Variants in SAGE1 observed in about 807,000 individuals in gnomAD.
The protein encoded by SAGE1 is cancer/testis antigen 14.
Under a neutral mutation model 55.4 loss-of-function variants are expected in SAGE1, and 55 were observed. That is an observed-to-expected ratio of 0.99 (90% confidence interval 0.80 to 1.24). The LOEUF is 1.24. Among genes scored for constraint, SAGE1 ranks in the 50% most tolerant of loss-of-function variants. The pLI is 0.00. For missense variants in SAGE1, 710 were observed against 704.4 expected (o/e 1.01, Z -0.09); for synonymous variants, 240 against 244.3 (o/e 0.98, Z 0.17).
rs1556600708 is a variant in SAGE1, at chrX:135,906,120, A to G, written c.551A>G (p.Asn184Ser). Reference protein sequence around the residue: ...VLSTGPTGLINMAATPIPAMS... With the variant: ...VLSTGPTGLISMAATPIPAMS... ...TCAACTGGTCCCACAGGGCTTATTA[A>G]TATGGCAGCAACTCCTATTCCAGCC... Residue 184 changes from asparagine (N) to serine (S), a missense_variant, in exon 6 of 20, where the codon AAT becomes AGT. Coordinates refer to ENST00000370709, the MANE Select transcript of SAGE1 (RefSeq NM_001381902.1). 6.6e-6 allele frequency: 8 copies of G among 1,208,145 alleles called. No individual in the cohort carries two copies. The highest frequency in any genetic ancestry group is 9.0e-6 in the Non-Finnish European group (8 of 892,977).
chrX:135,910,604 G>T, intron 16 of SAGE1, 49 bp downstream of exon 16: 1 of 1,124,435 alleles, frequency 8.9e-7, no homozygotes, highest in Non-Finnish European at 1.2e-6. Flanking sequence ...CCCTAAGCAG[G>T]CATATTTTCA....
chrX:135,904,956 AT>A (rs2088758784), intron 4 of SAGE1, among the ~76,000 whole-genome samples: 1 of 111,640 alleles, frequency 9.0e-6, no homozygotes, highest in South Asian at 3.8e-4. Context: ...ATCAGGGCTT[AT>A]TAATATGACA....
intron 2 of SAGE1, among the ~76,000 whole-genome samples, chrX:135,896,669 C>G (rs1388531244): frequency 9.2e-6 from 1 of 108,741 alleles, no homozygotes; most frequent in African/African-American, 3.4e-5. Flanking sequence ...AGTGATTCTC[C>G]TGCCTTAGCC....
chrX:135,906,314 T>C, intron 6 of SAGE1, 97 bp from the exon 7 acceptor site: 1 of 1,106,178 alleles, frequency 9.0e-7, no homozygotes, highest in East Asian at 3.0e-5. Flanking sequence ...TACTGCTTTA[T>C]GAAATAATTT....
chrX:135,894,987 A>AGTTTGCTT (rs1202671246), intron 1 of SAGE1, among the ~76,000 whole-genome samples: 3 of 105,318 alleles, frequency 2.8e-5, no homozygotes, highest in Non-Finnish European at 5.8e-5. Flanking sequence ...AAATCCCACA[A>AGTTTGCTT]GTTTGTTTGT....
rs73226720 is a variant in SAGE1 at position 135,904,497 on chromosome X, A to G, written c.241A>G (p.Ile81Val). ...TCCAGATGCTGCAGTCACTCACAGC[A>G]TTTGTGAAGAGAGGATAAATAACGG... Reference protein sequence around the residue: ...KQEDAAVTHSICEERINNGQP... With the variant: ...KQEDAAVTHSVCEERINNGQP... The change falls in exon 4 of 20, where the codon ATT becomes GTT. Residue 81 changes from isoleucine to valine, a missense_variant. Coordinates refer to ENST00000370709, the MANE Select transcript of SAGE1 (RefSeq NM_001381902.1). 249 of 1,201,401 alleles carry G rather than the reference A, an allele frequency of 2.1e-4. No homozygotes were observed. Among genetic ancestry groups the G allele is most frequent in the Non-Finnish European group, 2.7e-4 (240 of 889,583 alleles).
At chrX:135,908,716 C>G in intron 12 of SAGE1, 99 bp downstream of exon 12, 1 of 1,044,689 alleles carries the variant, frequency 9.6e-7, no homozygotes. Context: ...TCTTTCCTGG[C>G]CTCAATTTGA....
Position 135,911,595 on chromosome X carries a change from C to T in SAGE1, c.2163C>T (p.His721=), listed in dbSNP as rs782514048. ...STRDLYATVI[H]DIQEEEMEND... is the part of the protein sequence containing the mutation. Reference sequence around the variant, plus strand: ...GGATTCCAGATGCTACTGTCATTCACGATATCCAGGAGGAGGAGATGGAAA... The same window carrying T: ...GGATTCCAGATGCTACTGTCATTCATGATATCCAGGAGGAGGAGATGGAAA... The change falls in exon 18 of 20, where the codon CAC becomes CAT. Residue 721 remains histidine, a synonymous_variant. Transcript: ENST00000370709. The T allele has an allele frequency of 5.8e-6, 7 of 1,201,255 alleles. No individual in the cohort carries two copies. Among genetic ancestry groups the T allele is most frequent in the South Asian group, 1.8e-5 (1 of 56,028 alleles).
intron 2 of SAGE1, among the ~76,000 whole-genome samples, chrX:135,900,891 A>G (rs1182348430): frequency 1.2e-4 from 13 of 111,154 alleles, no homozygotes; most frequent in Non-Finnish European, 2.5e-4. Context: ...TCGCACCTGT[A>G]ATCCCAGCAC....
Position 135,906,442 on chromosome X carries a change from G to A in SAGE1, c.627G>A (p.Gln209=). 8.3e-7 allele frequency: 1 copy of A among 1,211,510 alleles called. No homozygotes were observed. Among genetic ancestry groups the A allele is most frequent in the Non-Finnish European group, 1.1e-6 (1 of 895,048 alleles). Residue 209 remains glutamine, a synonymous_variant, in exon 7 of 20, where the codon CAG becomes CAA. Coordinates refer to ENST00000370709, the MANE Select transcript of SAGE1 (RefSeq NM_001381902.1). ...CAGTCACTCACAATGTCTGTGAACA[G>A]AAGATGGAAAATGTCCAACCAGCAC... ...YATVTHNVCE[Q]KMENVQPAPD... is the part of the protein sequence containing the mutation.
intron 4 of SAGE1, 53 bp downstream of exon 4, chrX:135,904,622 G>T (rs199837546): frequency 2.5e-6 from 2 of 806,995 alleles, no homozygotes; most frequent in Non-Finnish European, 3.7e-6. Flanking sequence ...TCATCCATGA[G>T]TACTTATTAA....
chrX:135,909,005 G>A lies in SAGE1; in HGVS notation c.1582+1G>A. ...CCATCCATGAGTACCAAGGATCTGT[G>A]TATGTCTGTTAATTAGTTGTACTGT... On this transcript the variant is annotated splice_donor_variant, in intron 13 of 19. Coordinates refer to ENST00000370709, the MANE Select transcript of SAGE1 (RefSeq NM_001381902.1). LOFTEE classifies it high-confidence loss of function. 1 of 1,203,509 alleles carries A rather than the reference G, an allele frequency of 8.3e-7. No individual in the cohort carries two copies. Among genetic ancestry groups the A allele is most frequent in the Non-Finnish European group, 1.1e-6 (1 of 889,216 alleles).
intron 2 of SAGE1, among the ~76,000 whole-genome samples, chrX:135,900,567 C>T (rs2088657550): frequency 9.0e-6 from 1 of 110,619 alleles, no homozygotes; most frequent in Admixed American, 9.7e-5. Flanking sequence ...AGTAATATTA[C>T]CAGCTCTTCT....
chrX:135,908,322 C>T (rs2088833093), intron 11 of SAGE1, 93 bp downstream of exon 11: 7 of 1,035,463 alleles, frequency 6.8e-6, no homozygotes, highest in East Asian at 6.1e-5. Context: ...TATTGTCTTT[C>T]GTGAGTTGAA....
Position 135,901,584 on chromosome X carries a change from T to A in SAGE1, c.113T>A (p.Leu38Gln), listed in dbSNP as rs1264292672. 6.6e-6 allele frequency: 8 copies of A among 1,209,063 alleles called. No individual in the cohort carries two copies. Among genetic ancestry groups the A allele is most frequent in the East Asian group, 3.0e-5 (1 of 33,841 alleles). ...GQQMRSDEVNLVATGHQSKKK... is the reference protein window; with the variant it reads ...GQQMRSDEVNQVATGHQSKKK... ...CAAATGAGGAGTGATGAAGTAAATC[T>A]GGTTGCAACAGGGCATCAAAGCAAA... Residue 38 changes from leucine (L) to glutamine (Q), a missense_variant, in exon 3 of 20, where the codon CTG becomes CAG. Transcript: ENST00000370709.
intron 11 of SAGE1, 82 bp from the exon 12 acceptor site, chrX:135,908,395 A>G (rs1289145802): frequency 9.3e-7 from 1 of 1,081,071 alleles, no homozygotes; most frequent in African/African-American, 1.9e-5. Flanking sequence ...ATTCCTAGAA[A>G]CTGAGCATCA....
intron 2 of SAGE1, among the ~76,000 whole-genome samples, chrX:135,901,345 T>G (rs1361122576): frequency 9.0e-6 from 1 of 111,118 alleles, no homozygotes; most frequent in Non-Finnish European, 1.9e-5. Flanking sequence ...GGATAACACC[T>G]TGTATTTTAC....
At position 135,909,732 on chromosome X, in the gene SAGE1, C is replaced by T; in HGVS notation, c.1676C>T (p.Thr559Ile). 8.3e-7 allele frequency: 1 copy of T among 1,201,045 alleles called. No individual in the cohort carries two copies. The highest frequency in any genetic ancestry group is 1.8e-5 in the African/African-American group (1 of 56,953). ...TTGTCAACTGTTCTACCAGGACTTA[C>T]TTATTTGACAGTAGCTGGTATTCCG... is the stretch of plus-strand genomic sequence containing the variant. ...YDLSTVLPGL[T>I]YLTVAGIPAM... The change falls in exon 14 of 20, where the codon ACT becomes ATT. Residue 559 changes from threonine (T) to isoleucine (I), a missense_variant. Coordinates refer to ENST00000370709, the MANE Select transcript of SAGE1 (RefSeq NM_001381902.1).
rs190173591 is a variant in SAGE1 at position 135,908,426 on chromosome X, C to T, written c.1301-51C>T. The T allele has an allele frequency of 5.7e-4, 655 of 1,156,504 alleles. 6 individuals carry two copies. In the African/African-American group the frequency reaches 0.011, roughly 19 times the overall value. On this transcript the variant is annotated intron_variant, in intron 11 of 19. Coordinates refer to ENST00000370709, the MANE Select transcript of SAGE1 (RefSeq NM_001381902.1). ...CATCAGAGGGATATATACATGTGTG[C>T]TTGGCATAATGCACTTAACTCACAG...
Sources: gnomAD v4.1 joint callset for allele counts (sites outside exome capture counted in the v4.1 genomes callset) on GRCh38, gnomAD v4.1.1 for gene constraint, MANE v1.5 for transcripts, NCBI Gene and HGNC (gene_info 2026-07-23, HGNC 2026-07-21) for gene names.